Variants in APCDD1L observed in about 807,000 individuals in gnomAD.
APCDD1L encodes protein APCDD1-like.
A neutral mutation model predicts 24.2 loss-of-function variants in APCDD1L; 21 were observed. The observed-to-expected ratio is 0.87, with a 90% CI of 0.61 to 1.25. The LOEUF (loss-of-function observed/expected upper bound fraction) is 1.25. Ranked by LOEUF, APCDD1L falls within the 50% of genes most tolerant of loss-of-function variation. The pLI is 0.00. For synonymous variants in APCDD1L, 321 were observed against 323.6 expected, an observed-to-expected ratio of 0.99 and a Z score of 0.09; for missense variants, 704 against 711.7, an observed-to-expected ratio of 0.99 and a Z score of 0.12.
chr20:58,467,112 G>A lies in APCDD1L; in HGVS notation c.735C>T (p.Ser245=). The part of the protein sequence containing the change: ...RPTGYQRPLQ[S]ALHHVQPCPA... ...CCCCAACACACACACTCACCAGTGC[G>A]CTCTGCAGCGGGCGCTGGTAGCCCG... is the stretch of plus-strand genomic sequence containing the variant. The change falls in exon 3 of 4, where the codon AGC becomes AGT. Residue 245 remains serine, a synonymous_variant. Transcript: ENST00000371149. The surrounding 1 kb of genome is among the most constrained non-coding windows in gnomAD (Gnocchi z 5.9). 1 of 1,604,368 alleles carries A rather than the reference G, an allele frequency of 6.2e-7. No homozygotes were observed. The highest frequency in any genetic ancestry group is 8.5e-7 in the Non-Finnish European group (1 of 1,178,004).
At chr20:58,481,853 C>G (rs1392279027) in intron 1 of APCDD1L, among the ~76,000 whole-genome samples, 1 of 152,190 alleles carries the variant, frequency 6.6e-6, no homozygotes, top group Non-Finnish European at 1.5e-5. Flanking sequence ...CGTGGGAGAT[C>G]TTCCTTTCCA....
intron 1 of APCDD1L, among the ~76,000 whole-genome samples, chr20:58,488,505 G>A (rs2076518954): frequency 6.6e-6 from 1 of 152,130 alleles, no homozygotes; most frequent in Admixed American, 6.5e-5. Flanking sequence ...CAAATAATTG[G>A]TATTATACAG....
chr20:58,475,893 C>T (rs1568739708), intron 1 of APCDD1L, among the ~76,000 whole-genome samples: 1 of 152,168 alleles, frequency 6.6e-6, no homozygotes, highest in Non-Finnish European at 1.5e-5. Context: ...CCTCTGTCTG[C>T]ACCTGTGTCC....
intron 1 of APCDD1L, among the ~76,000 whole-genome samples, chr20:58,475,379 T>C (rs2123147766): frequency 6.6e-6 from 1 of 152,176 alleles, no homozygotes; most frequent in South Asian, 2.1e-4. Context: ...TTTTAGAGGG[T>C]GTTAAAAGTG....
chr20:58,472,530 C>T (rs1989831206), intron 1 of APCDD1L, among the ~76,000 whole-genome samples: 1 of 152,328 alleles, frequency 6.6e-6, no homozygotes, highest in South Asian at 2.1e-4. Context: ...GGGTAAAACG[C>T]AGGGCAGTCA....
chr20:58,497,751 G>C lies in APCDD1L; in HGVS notation c.49+16908C>G, dbSNP rs1568750247. Among the ~76,000 whole-genome samples, 3 of 152,304 alleles carry C rather than the reference G, an allele frequency of 2.0e-5. No individual in the cohort carries two copies. Among genetic ancestry groups the C allele is most frequent in the East Asian group, 3.9e-4 (2 of 5,180 alleles). Reference sequence around the variant, plus strand: ...CTGGGGGTCAGGACTTCAACATATGGATTTGGGTAGGGGACACAATTCAAC... The same window carrying C: ...CTGGGGGTCAGGACTTCAACATATGCATTTGGGTAGGGGACACAATTCAAC... On this transcript the variant is annotated intron_variant, in intron 1 of 3. Transcript: ENST00000371149. This position sits in a 1 kb window ranked among gnomAD's most constrained non-coding sequence, Gnocchi z 4.3.
chr20:58,469,181 T>C (rs1989768808), intron 2 of APCDD1L, among the ~76,000 whole-genome samples: 1 of 152,226 alleles, frequency 6.6e-6, no homozygotes, highest in Non-Finnish European at 1.5e-5. Flanking sequence ...TCTTTAAAAA[T>C]AATCACATTA....
intron 1 of APCDD1L, among the ~76,000 whole-genome samples, chr20:58,504,712 C>T (rs1568753480): frequency 1.3e-5 from 2 of 152,278 alleles, no homozygotes; most frequent in East Asian, 1.9e-4. Flanking sequence ...TTGGCAAGCA[C>T]CTCTCCTCAC....
chr20:58,513,338 C>T (rs1057334815), intron 1 of APCDD1L, among the ~76,000 whole-genome samples: 1 of 152,180 alleles, frequency 6.6e-6, no homozygotes, highest in African/African-American at 2.4e-5. Context: ...TGCTGATGAT[C>T]AACTAACTCT....
At position 58,461,470 on chromosome 20, in the gene APCDD1L, G is replaced by T; in HGVS notation, c.826C>A (p.Leu276Met). 6.8e-7 allele frequency: 1 copy of T among 1,481,332 alleles called. No individual in the cohort carries two copies. The highest frequency in any genetic ancestry group is 9.0e-7 in the Non-Finnish European group (1 of 1,113,584). The allele number at this position is 1,481,332 out of a possible 1,614,324, so 91.8% of individuals were successfully genotyped here. A position where few individuals can be genotyped will look rare whatever the true frequency, so the allele number is the denominator to read the frequency against. ...CACCAGCCGCCCAGGTGCAGGGGCA[G>T]GGCCAGAGGGGGCGGCAGCACGGGC... ...HPPVLPPPLALPLHLGGWWVS... is the reference protein window; with the variant it reads ...HPPVLPPPLAMPLHLGGWWVS... The change falls in exon 4 of 4, where the codon CTG (leucine) becomes ATG (methionine). Residue 276 changes from leucine to methionine, a missense_variant. By Grantham distance (15) the Leu-to-Met change is conservative. Transcript: ENST00000371149. This position sits in a 1 kb window ranked among gnomAD's most constrained non-coding sequence, Gnocchi z 6.0.
intron 1 of APCDD1L, chr20:58,513,898 T>C (rs1286893493): frequency 7.7e-7 from 1 of 1,304,212 alleles, no homozygotes; most frequent in Non-Finnish European, 1.0e-6. Flanking sequence ...TTCTCAGCCA[T>C]TCATAATGTG....
chr20:58,476,899 G>A (rs758849161), intron 1 of APCDD1L, among the ~76,000 whole-genome samples: 2 of 152,084 alleles, frequency 1.3e-5, no homozygotes, highest in African/African-American at 2.4e-5. Flanking sequence ...CCATCTTCGC[G>A]GAGATCTCGG....
At chr20:58,493,250 T>C (rs143352298) in intron 1 of APCDD1L, among the ~76,000 whole-genome samples, 127 of 152,378 alleles carry the variant, frequency 8.3e-4, no homozygotes, top group African/African-American at 2.9e-3. Flanking sequence ...TATTGGCTCT[T>C]ACTATGAGAC....
At chr20:58,513,879 G>C (rs1430583894) in intron 1 of APCDD1L, 1 of 1,304,044 alleles carries the variant, frequency 7.7e-7, no homozygotes, top group Non-Finnish European at 1.0e-6. Context: ...TCTAACTCCA[G>C]GGCCAGAATT....
At chr20:58,501,965 T>C (rs1990444703) in intron 1 of APCDD1L, among the ~76,000 whole-genome samples, 1 of 152,252 alleles carries the variant, frequency 6.6e-6, no homozygotes, top group Non-Finnish European at 1.5e-5. Context: ...CTCTTAGGAC[T>C]GGGCTGCAAT....
rs1239744028 is a variant in APCDD1L at position 58,497,575 on chromosome 20, C to T, written c.49+17084G>A. Reference sequence around the variant, plus strand: ...ATCTTCTCCCTGCGTCTCTTCACATCGTCTTCCTTCGACGCAGGTCTGCGT... The same window carrying T: ...ATCTTCTCCCTGCGTCTCTTCACATTGTCTTCCTTCGACGCAGGTCTGCGT... On this transcript the variant is annotated intron_variant, in intron 1 of 3. Coordinates refer to ENST00000371149, the MANE Select transcript of APCDD1L (RefSeq NM_153360.3). The surrounding 1 kb of genome is among the most constrained non-coding windows in gnomAD (Gnocchi z 4.3). Among the ~76,000 whole-genome samples the T allele has an allele frequency of 4.6e-5, 7 of 152,224 alleles. No homozygotes were observed. The highest frequency in any genetic ancestry group is 4.1e-4 in the South Asian group (2 of 4,822).
At position 58,514,070 on chromosome 20, in the gene APCDD1L, A is replaced by AC. The variant is rs879193798; in HGVS notation, c.49+588dup. On this transcript the variant is annotated intron_variant, in intron 1 of 3. Transcript: ENST00000371149. ...CACCCCCACGAAGAGCCACCAGGGA[A>AC]CCCCTTAGTCCTGGAGAAGGCATTG... The AC allele has an allele frequency of 8.8e-5, 69 of 781,904 alleles. No homozygotes were observed. In the South Asian group the frequency reaches 1.2e-3, roughly 13 times the overall value. The allele number at this position is 781,904 out of a possible 1,614,324, so 48.4% of individuals were successfully genotyped here.
At chr20:58,478,552 G>T (rs1467471) in intron 1 of APCDD1L, among the ~76,000 whole-genome samples, 77,320 of 151,822 alleles carry the variant, frequency 0.51, 20,585 homozygotes, top group African/African-American at 0.64. Flanking sequence ...CAGTGCCTCA[G>T]GGATGCCCAA....
At chr20:58,481,236 G>A (rs920870388) in intron 1 of APCDD1L, among the ~76,000 whole-genome samples, 2 of 152,238 alleles carry the variant, frequency 1.3e-5, no homozygotes, top group Non-Finnish European at 2.9e-5. Context: ...GGAGTCTCCC[G>A]TTGGACTGAA....
Sources: allele counts gnomAD v4.1 joint callset (sites outside exome capture counted in the v4.1 genomes callset), GRCh38; gene constraint gnomAD v4.1.1; non-coding constraint Gnocchi (gnomAD v3.1); transcripts MANE v1.5; gene names NCBI Gene and HGNC (gene_info 2026-07-23, HGNC 2026-07-21).